Variants in PHF2 observed in about 807,000 individuals in gnomAD.
PHF2 encodes PHD finger protein 2.
A neutral mutation model predicts 120.5 loss-of-function variants in PHF2; 27 were observed. The ratio of observed to expected loss-of-function variants is 0.22; its 90% CI spans 0.17 to 0.31. The LOEUF (loss-of-function observed/expected upper bound fraction) is 0.31, where lower values mean the gene tolerates loss of function less well. Ranked by LOEUF, PHF2 falls within the 10% of genes least tolerant of loss-of-function variation. PHF2 has a pLI of 1.00. For synonymous variants in PHF2, 568 were observed against 592.5 expected (o/e 0.96, Z 0.60); for missense variants, 1,024 against 1,434.8 (o/e 0.71, Z 4.63).
intron 12 of PHF2, among the ~76,000 whole-genome samples, chr9:93,662,533 CGGATGGATGGATGGATGGATGGAT>C (rs138382841): frequency 5.4e-5 from 6 of 111,904 alleles, no homozygotes; most frequent in South Asian, 6.5e-4. Context: ...GATGGGTGGG[CGGATGGATGGATGGATGGATGGAT>C]GGATGGATGG....
intron 1 of PHF2, among the ~76,000 whole-genome samples, chr9:93,621,905 T>C (rs894731663): frequency 2.6e-5 from 4 of 152,198 alleles, no homozygotes; most frequent in African/African-American, 9.7e-5. Context: ...TCTGCACCCT[T>C]AGAGCCGAGG....
intron 1 of PHF2, among the ~76,000 whole-genome samples, chr9:93,579,813 TG>T (rs940317448): frequency 4.6e-5 from 7 of 152,204 alleles, no homozygotes; most frequent in African/African-American, 1.7e-4. Context: ...TCTTTGCTCT[TG>T]GCAGCTTTGG....
At chr9:93,581,104 TGTCC>T (rs1276180003) in intron 1 of PHF2, among the ~76,000 whole-genome samples, 1 of 152,158 alleles carries the variant, frequency 6.6e-6, no homozygotes, top group Non-Finnish European at 1.5e-5. Context: ...AATTCCTCTG[TGTCC>T]GTCTGTCTGT....
intron 17 of PHF2, among the ~76,000 whole-genome samples, chr9:93,672,168 A>G (rs1270053370): frequency 1.1e-3 from 52 of 47,468 alleles, no homozygotes; most frequent in African/African-American, 2.1e-3. Context: ...GTGGGTGTGG[A>G]TGTAGGTACA....
At position 93,677,274 on chromosome 9, in the gene PHF2, G is replaced by A. The variant is rs921785302; in HGVS notation, c.3202+311G>A. 1.3e-5 allele frequency among the ~76,000 whole-genome samples: 2 copies of A among 151,818 alleles called. No homozygotes were observed. The highest frequency in any genetic ancestry group is 2.4e-5 in the African/African-American group (1 of 41,334). The stretch of plus-strand genomic sequence containing the variant: ...TGATGCAGCACGGGGTGCTGGCAGT[G>A]GCTCCTGGCCTTGTTACTGGGGGTG... On this transcript the variant is annotated intron_variant, in intron 21 of 21. Transcript: ENST00000359246. The surrounding 1 kb of genome is among the most constrained non-coding windows in gnomAD (Gnocchi z 4.4).
chr9:93,665,580 G>T, intron 14 of PHF2, 106 bp from the exon 15 acceptor site: 1 of 1,244,084 alleles, frequency 8.0e-7, no homozygotes, highest in Non-Finnish European at 1.1e-6. Flanking sequence ...CTGCCTCCTG[G>T]AGGCCATCCT....
chr9:93,654,920 G>T (rs946771316), intron 7 of PHF2, among the ~76,000 whole-genome samples: 1 of 152,204 alleles, frequency 6.6e-6, no homozygotes, highest in African/African-American at 2.4e-5. Flanking sequence ...CGAGCCCATG[G>T]CTGGAGACCC....
At chr9:93,659,808 G>A (rs1019529564) in intron 11 of PHF2, among the ~76,000 whole-genome samples, 10 of 152,232 alleles carry the variant, frequency 6.6e-5, no homozygotes, top group African/African-American at 2.4e-4. Context: ...GTGTCCTGGT[G>A]TGAGTGTGTA....
intron 1 of PHF2, among the ~76,000 whole-genome samples, chr9:93,616,821 T>A (rs936596945): frequency 6.6e-6 from 1 of 152,116 alleles, no homozygotes. Flanking sequence ...TACACCTGGC[T>A]GATTTTGCAT....
chr9:93,662,777 T>G, intron 12 of PHF2, 130 bp from the exon 13 acceptor site: 1 of 1,011,032 alleles, frequency 9.9e-7, no homozygotes, highest in South Asian at 1.5e-5. Flanking sequence ...AATGGATGCG[T>G]GGATGGGTAG....
intron 7 of PHF2, 79 bp downstream of exon 7, chr9:93,654,654 G>A (rs937310744): frequency 3.1e-5 from 42 of 1,376,916 alleles, no homozygotes; most frequent in African/African-American, 1.6e-4. Context: ...CCCTTGGACC[G>A]TGTCCCCACC....
chr9:93,610,356 A>G (rs1183226433), intron 1 of PHF2, among the ~76,000 whole-genome samples: 1 of 152,004 alleles, frequency 6.6e-6, no homozygotes, highest in Non-Finnish European at 1.5e-5. Context: ...AGGCTCTCTG[A>G]TTCTTTCCTT....
intron 6 of PHF2, 57 bp from the exon 7 acceptor site, chr9:93,654,356 C>A: frequency 6.4e-7 from 1 of 1,565,854 alleles, no homozygotes; most frequent in South Asian, 1.1e-5. Context: ...CTGTCACTTG[C>A]ACCCCCGACC....
chr9:93,636,506 C>G lies in PHF2; in HGVS notation c.280C>G (p.Arg94Gly). 6.3e-7 allele frequency: 1 copy of G among 1,594,668 alleles called. No individual in the cohort carries two copies. The highest frequency in any genetic ancestry group is 8.5e-7 in the Non-Finnish European group (1 of 1,171,006). Residue 94 changes from arginine to glycine, a missense_variant, in exon 3 of 22, where the codon CGG (arginine) becomes GGG (glycine). Arg to Gly is a moderately radical substitution (Grantham distance 125, BLOSUM62 -2). Around this residue, in one of 2 missense-constraint regions of PHF2, gnomAD observed 347 missense variants for 577.4 expected, o/e 0.60. Coordinates refer to ENST00000359246, the MANE Select transcript of PHF2 (RefSeq NM_005392.4). ...CAGCCAGCTCTTCATCAAGGAGCTG[C>G]GGAGCCGGACCTTTCCCAGGTGGGC... ...NGSQLFIKEL[R>G]SRTFPSAEDV...
chr9:93,650,766 C>T (rs1400938521), intron 5 of PHF2, among the ~76,000 whole-genome samples: 1 of 152,220 alleles, frequency 6.6e-6, no homozygotes, highest in Non-Finnish European at 1.5e-5. Context: ...TGCCCTCCAG[C>T]TGGCCCCTGG....
At chr9:93,632,400 G>A (rs1470489362) in intron 2 of PHF2, among the ~76,000 whole-genome samples, 1 of 152,188 alleles carries the variant, frequency 6.6e-6, no homozygotes, top group African/African-American at 2.4e-5. Flanking sequence ...TTGTGTGTAT[G>A]TCATACTCTG....
intron 5 of PHF2, among the ~76,000 whole-genome samples, chr9:93,649,818 C>T (rs1242930326): frequency 2.0e-5 from 3 of 152,122 alleles, no homozygotes; most frequent in African/African-American, 7.2e-5. Context: ...AGTCATGACA[C>T]ACTCATACCT....
At chr9:93,644,328 G>A (rs541952934) in intron 3 of PHF2, among the ~76,000 whole-genome samples, 1 of 151,500 alleles carries the variant, frequency 6.6e-6, no homozygotes, top group South Asian at 2.1e-4. Context: ...CAGAGGTTGC[G>A]GTGAGCCAAG....
chr9:93,675,078 C>T (rs1826884388), intron 19 of PHF2, 56 bp downstream of exon 19: 13 of 1,401,016 alleles, frequency 9.3e-6, no homozygotes, highest in Middle Eastern at 1.8e-4. Context: ...GAAGCTGTGA[C>T]TTTGTCTGTG....
Sources: allele counts gnomAD v4.1 joint callset (sites outside exome capture counted in the v4.1 genomes callset), GRCh38; gene constraint gnomAD v4.1.1; regional missense constraint gnomAD v4.1.1; non-coding constraint Gnocchi (gnomAD v3.1); transcripts MANE v1.5; gene names NCBI Gene and HGNC (gene_info 2026-07-23, HGNC 2026-07-21).